USP5: variants seen among roughly 807,000 people sequenced by gnomAD.
The protein encoded by USP5 is ubiquitin carboxyl-terminal hydrolase 5.
A neutral mutation model predicts 102.5 loss-of-function variants in USP5; 24 were observed. That is an observed-to-expected ratio of 0.23 (90% CI 0.17 to 0.33). The LOEUF (loss-of-function observed/expected upper bound fraction) is 0.33, where lower values mean the gene tolerates loss of function less well. Among genes scored for constraint, USP5 ranks in the 10% least tolerant of loss-of-function variants. The probability of loss-of-function intolerance (pLI) is 1.00; values close to 1 mark genes in which losing one functional copy is unlikely to be tolerated. For missense variants in USP5, 753 were observed against 1,122.1 expected (o/e 0.67, Z 4.70); for synonymous variants, 460 against 434.8 (o/e 1.06, Z -0.72).
chr12:6,865,840 A>AAT (rs1169473434), intron 19 of USP5, 144 bp from the exon 20 acceptor site: 16 of 703,048 alleles, frequency 2.3e-5, no homozygotes, highest in Non-Finnish European at 3.8e-5. Flanking sequence ...AAGCTCCCTT[A>AAT]AGGCACATGG....
rs2138069099 is a variant in USP5, at chr12:6,863,880, C to T, written c.2005C>T (p.Pro669Ser). 6.2e-7 allele frequency: 1 copy of T among 1,611,926 alleles called. No homozygotes were observed. The highest frequency in any genetic ancestry group is 8.5e-7 in the Non-Finnish European group (1 of 1,178,702). ...VIIQLVEMGF[P>S]MDACRKAVYY... ...CATCCAGCTGGTGGAGATGGGATTC[C>T]CTATGGACGCCTGCCGCAAAGCTGT... is the stretch of plus-strand genomic sequence containing the variant. The change falls in exon 16 of 20, where the codon CCT (proline) becomes TCT (serine). Residue 669 changes from proline (P) to serine (S), a missense_variant. Transcript: ENST00000229268. This position sits in a 1 kb window ranked among gnomAD's most constrained non-coding sequence, Gnocchi z 4.7.
In USP5 at chr12:6,863,399, C is replaced by T. The variant is rs373067555; in HGVS notation, c.1954+22C>T. On this transcript the variant is annotated intron_variant, in intron 15 of 19. Transcript: ENST00000229268. The surrounding 1 kb of genome is among the most constrained non-coding windows in gnomAD (Gnocchi z 4.7). ...ACATGTTAGTGACTCTTCTTCCTGC[C>T]TGTCTCTCTCCCGTGCTGATGGGGG... 4 of 1,607,442 alleles carry T rather than the reference C, an allele frequency of 2.5e-6. No individual in the cohort carries two copies. Among genetic ancestry groups the T allele is most frequent in the African/African-American group, 1.3e-5 (1 of 75,016 alleles).
Position 6,866,614 on chromosome 12 carries a change from TA to T in USP5, c.*541del, listed in dbSNP as rs1944455621. The T allele has an allele frequency of 1.3e-5, 2 of 156,116 alleles. No homozygotes were observed. The highest frequency in any genetic ancestry group is 2.9e-5 in the Non-Finnish European group (2 of 69,984). 9.7% of individuals were successfully genotyped at this position (156,116 alleles called of 1,614,324 possible). ...AAAATGCCAAAATACACGATGTGAATAAAAGTACAACGGCTAAATTGTGTCC... is the reference window on the plus strand; with the variant it reads ...AAAATGCCAAAATACACGATGTGAATAAAGTACAACGGCTAAATTGTGTCC... On this transcript the variant is annotated 3_prime_UTR_variant, in exon 20 of 20. Coordinates refer to ENST00000229268, the MANE Select transcript of USP5 (RefSeq NM_001098536.2). This position sits in a 1 kb window ranked among gnomAD's most constrained non-coding sequence, Gnocchi z 4.7.
In USP5 at chr12:6,860,398, C is replaced by T. The variant is rs1555129268; in HGVS notation, c.1251C>T (p.Phe417=). The part of the protein sequence containing the change: ...EVQDGIAPRM[F]KALIGKGHPE... ...AAGATGGCATTGCCCCTCGGATGTT[C>T]AAGGCCCTCATCGGCAAGGGCCACC... The change falls in exon 11 of 20, where the codon TTC becomes TTT. Residue 417 remains phenylalanine, a synonymous_variant. Coordinates refer to ENST00000229268, the MANE Select transcript of USP5 (RefSeq NM_001098536.2). This position sits in a 1 kb window ranked among gnomAD's most constrained non-coding sequence, Gnocchi z 5.5. The T allele has an allele frequency of 6.2e-7, 1 of 1,614,156 alleles. No individual in the cohort carries two copies. The highest frequency in any genetic ancestry group is 1.7e-5 in the Admixed American group (1 of 60,024).
At chr12:6,859,615 G>T (rs1456682553) in intron 9 of USP5, 74 bp downstream of exon 9, 2 of 1,428,138 alleles carry the variant, frequency 1.4e-6, no homozygotes, top group East Asian at 2.3e-5. Flanking sequence ...CTGACCGCCT[G>T]GGGGGCACAG....
chr12:6,860,608 G>A lies in USP5; in HGVS notation c.1344+117G>A. The stretch of plus-strand genomic sequence containing the variant: ...TCCCATCCCTGAACCCCAACAGTCT[G>A]TGTCCCTGTGAACAGTGCTTGCACC... On this transcript the variant is annotated intron_variant, in intron 11 of 19. Transcript: ENST00000229268. The surrounding 1 kb of genome is among the most constrained non-coding windows in gnomAD (Gnocchi z 5.5). 3 of 1,523,810 alleles carry A rather than the reference G, an allele frequency of 2.0e-6. No homozygotes were observed. In the South Asian group the frequency reaches 3.7e-5, roughly 19 times the overall value. The allele number at this position is 1,523,810 out of a possible 1,614,324, so 94.4% of individuals were successfully genotyped here. A position where few individuals can be genotyped will look rare whatever the true frequency, so the allele number is the denominator to read the frequency against.
intron 13 of USP5, among the ~76,000 whole-genome samples, chr12:6,862,122 T>C (rs1944296883): frequency 6.6e-6 from 1 of 151,918 alleles, no homozygotes. Context: ...GCTATGTTTT[T>C]TTCCCTACGT....
Position 6,863,435 on chromosome 12 carries a change from T to G in USP5, c.1954+58T>G. ...CCGTGCTGATGGGGGCCTCTCTGCC[T>G]TGCATCCCCTGCCCCTGTCCTTTGT... On this transcript the variant is annotated intron_variant, in intron 15 of 19. Transcript: ENST00000229268. The surrounding 1 kb of genome is among the most constrained non-coding windows in gnomAD (Gnocchi z 4.7). 1 of 1,546,146 alleles carries G rather than the reference T, an allele frequency of 6.5e-7. No homozygotes were observed. Among genetic ancestry groups the G allele is most frequent in the South Asian group, 1.2e-5 (1 of 83,488 alleles).
chr12:6,860,470 T>C lies in USP5; in HGVS notation c.1323T>C (p.Leu441=). The C allele has an allele frequency of 6.2e-7, 1 of 1,614,050 alleles. No homozygotes were observed. Among genetic ancestry groups the C allele is most frequent in the Middle Eastern group, 1.6e-4 (1 of 6,062 alleles). Residue 441 remains leucine, a synonymous_variant, in exon 11 of 20, where the codon CTT becomes CTC. Transcript: ENST00000229268. The surrounding 1 kb of genome is among the most constrained non-coding windows in gnomAD (Gnocchi z 5.5). The part of the protein sequence containing the change: ...NRQQDAQEFF[L]HLINMVERNC... ...AGCAGGATGCCCAGGAGTTCTTCCT[T>C]CACCTTATCAACATGGTGGAGGTAA... is the stretch of plus-strand genomic sequence containing the variant.
chr12:6,856,481 A>AC lies in USP5; in HGVS notation c.584+36dup, dbSNP rs782138836. The AC allele has an allele frequency of 1.3e-5, 20 of 1,585,550 alleles. No individual in the cohort carries two copies. Among genetic ancestry groups the AC allele is most frequent in the South Asian group, 2.3e-5 (2 of 86,478 alleles). On this transcript the variant is annotated intron_variant, in intron 5 of 19. Transcript: ENST00000229268. This position sits in a 1 kb window ranked among gnomAD's most constrained non-coding sequence, Gnocchi z 5.6. ...GCCTGGCCCCTCTGCCTCGGGCACC[A>AC]CCCCCAGAGCAAGGACAAGGAGCCC...
rs1423032127 is a variant in USP5, at chr12:6,864,079, T to G, written c.2128T>G (p.Ser710Ala). Reference protein sequence around the residue: ...DFANPLILPGSSGPGSTSAAA... With the variant: ...DFANPLILPGASGPGSTSAAA... ...TGCAAACCCCCTCATCCTGCCTGGC[T>G]CTAGTGGGCCGGGCTCCACAAGCGC... is the stretch of plus-strand genomic sequence containing the variant. The change falls in exon 17 of 20, where the codon TCT (serine) becomes GCT (alanine). Residue 710 changes from serine (S) to alanine (A), a missense_variant. By Grantham distance (99) the Ser-to-Ala change is moderately conservative (BLOSUM62 1). This residue lies in a region of USP5 where 193 missense variants were observed against 230.2 expected (regional missense o/e 0.84). Coordinates refer to ENST00000229268, the MANE Select transcript of USP5 (RefSeq NM_001098536.2). This position sits in a 1 kb window ranked among gnomAD's most constrained non-coding sequence, Gnocchi z 4.8. 6.2e-7 allele frequency: 1 copy of G among 1,612,484 alleles called. No individual in the cohort carries two copies. Among genetic ancestry groups the G allele is most frequent in the East Asian group, 2.2e-5 (1 of 44,866 alleles).
chr12:6,861,178 A>T lies in USP5; in HGVS notation c.1498+72A>T. 7.6e-6 allele frequency: 12 copies of T among 1,585,698 alleles called. No individual in the cohort carries two copies. In the South Asian group the frequency reaches 1.2e-4, roughly 16 times the overall value. Reference sequence around the variant, plus strand: ...TCTAGGAGGAATGCTTGGGCACCTCATGGGAGCACAGCCCAGGGAATGCCC... The same window carrying T: ...TCTAGGAGGAATGCTTGGGCACCTCTTGGGAGCACAGCCCAGGGAATGCCC... On this transcript the variant is annotated intron_variant, in intron 12 of 19. Transcript: ENST00000229268. This position sits in a 1 kb window ranked among gnomAD's most constrained non-coding sequence, Gnocchi z 4.9.
rs1464433433 is a variant in USP5, at chr12:6,855,627, AG to A, written c.237+102del. On this transcript the variant is annotated intron_variant, in intron 2 of 19. Transcript: ENST00000229268. The surrounding 1 kb of genome is among the most constrained non-coding windows in gnomAD (Gnocchi z 4.6). Reference sequence around the variant, plus strand: ...TTTTCACCTACTTTTGTGTCATTAAAGCTTGGCACAGATGTTTTTTAGCTTT... The same window carrying A: ...TTTTCACCTACTTTTGTGTCATTAAACTTGGCACAGATGTTTTTTAGCTTT... The A allele has an allele frequency of 1.9e-6, 3 of 1,586,088 alleles. No homozygotes were observed. The African/African-American group carries it at 4.1e-5, about 22-fold the overall frequency.
At chr12:6,852,399 G>C in intron 1 of USP5, 109 bp downstream of exon 1, 1 of 1,095,724 alleles carries the variant, frequency 9.1e-7, no homozygotes, top group Non-Finnish European at 1.3e-6. Flanking sequence ...ATGCACCATG[G>C]GACTTGTAGT....
chr12:6,860,627 T>G lies in USP5; in HGVS notation c.1344+136T>G, dbSNP rs981755230. The G allele has an allele frequency of 6.5e-5, 94 of 1,452,768 alleles. No homozygotes were observed. Among genetic ancestry groups the G allele is most frequent in the Non-Finnish European group, 1.1e-5 (12 of 1,072,292 alleles). 90.0% of individuals were successfully genotyped at this position (1,452,768 alleles called of 1,614,324 possible). On this transcript the variant is annotated intron_variant, in intron 11 of 19. Coordinates refer to ENST00000229268, the MANE Select transcript of USP5 (RefSeq NM_001098536.2). This position sits in a 1 kb window ranked among gnomAD's most constrained non-coding sequence, Gnocchi z 5.5. ...CAGTCTGTGTCCCTGTGAACAGTGC[T>G]TGCACCTGAGGAGGACAGTGAAGGT...
At position 6,852,282 on chromosome 12, in the gene USP5, G is replaced by A; in HGVS notation, c.103G>A (p.Asp35Asn). Reference sequence around the variant, plus strand: ...CAAAGACGAGTGCGCCTTCTCCTTCGACACGCCGGTAAGCCCATTCCCCAC... The same window carrying A: ...CAAAGACGAGTGCGCCTTCTCCTTCAACACGCCGGTAAGCCCATTCCCCAC... ...VHKDECAFSFDTPESEGGLYI... is the reference protein window; with the variant it reads ...VHKDECAFSFNTPESEGGLYI... Residue 35 changes from aspartate (D) to asparagine (N), a missense_variant, in exon 1 of 20, where the codon GAC becomes AAC. Physicochemically the swap from Asp to Asn is conservative, Grantham distance 23. Transcript: ENST00000229268. 6.2e-7 allele frequency: 1 copy of A among 1,609,338 alleles called. No individual in the cohort carries two copies. The highest frequency in any genetic ancestry group is 8.5e-7 in the Non-Finnish European group (1 of 1,178,112).
At chr12:6,865,336 A>G in intron 19 of USP5, 88 bp downstream of exon 19, 1 of 1,235,218 alleles carries the variant, frequency 8.1e-7, no homozygotes, top group Non-Finnish European at 1.2e-6. Context: ...GCTATGGGAG[A>G]AGGTGAAGGG....
Position 6,854,283 on chromosome 12 carries a change from G to A in USP5, c.112-1118G>A, listed in dbSNP as rs151018445. 8.9e-4 allele frequency among the ~76,000 whole-genome samples: 135 copies of A among 152,262 alleles called. 2 individuals are homozygous for A. The East Asian group carries it at 0.023, about 26-fold the overall frequency. ...CTTATTGGTCGGAGGGGAGGCAGAG[G>A]AGAGAGGGTGGTGGCTATGGAATGC... On this transcript the variant is annotated intron_variant, in intron 1 of 19. Transcript: ENST00000229268.
At chr12:6,865,641 G>C (rs1444808648) in intron 19 of USP5, among the ~76,000 whole-genome samples, 1 of 152,172 alleles carries the variant, frequency 6.6e-6, no homozygotes, top group Non-Finnish European at 1.5e-5. Context: ...CTGTTTTCAC[G>C]CTGCGGCAGG....
Sources: allele counts gnomAD v4.1 joint callset (sites outside exome capture counted in the v4.1 genomes callset), GRCh38; gene constraint gnomAD v4.1.1; regional missense constraint gnomAD v4.1.1; non-coding constraint Gnocchi (gnomAD v3.1); transcripts MANE v1.5; gene names NCBI Gene and HGNC (gene_info 2026-07-23, HGNC 2026-07-21).